Variants in SNX9 observed in about 807,000 individuals in gnomAD.
The protein encoded by SNX9 is sorting nexin 9.
Under a neutral mutation model 89.4 loss-of-function variants are expected in SNX9, and 44 were observed. The ratio of observed to expected loss-of-function variants is 0.49; its 90% CI spans 0.39 to 0.63. SNX9 has a LOEUF of 0.63. Ranked by LOEUF, SNX9 falls within the 30% of genes least tolerant of loss-of-function variation. The pLI is 0.00. For synonymous variants in SNX9, 236 were observed against 247.8 expected (o/e 0.95, Z 0.45); for missense variants, 578 against 736.1 (o/e 0.79, Z 2.49).
intron 2 of SNX9, among the ~76,000 whole-genome samples, chr6:157,869,102 A>C (rs1237905179): frequency 6.6e-6 from 1 of 152,226 alleles, no homozygotes; most frequent in African/African-American, 2.4e-5. Context: ...GAATGTTTCC[A>C]GAAGGGAACT....
intron 17 of SNX9, 131 bp from the exon 18 acceptor site, chr6:157,942,660 G>A (rs937022689): frequency 7.4e-6 from 7 of 940,996 alleles, no homozygotes; most frequent in African/African-American, 6.5e-5. Flanking sequence ...GGGCAGGGCT[G>A]GTGCCAAAAA....
chr6:157,906,030 C>T (rs2115174693), intron 6 of SNX9, 98 bp from the exon 7 acceptor site: 1 of 977,180 alleles, frequency 1.0e-6, no homozygotes, highest in Non-Finnish European at 1.5e-6. Context: ...ACCCGAAAGA[C>T]AGGACAAGGT....
intron 15 of SNX9, 73 bp downstream of exon 15, chr6:157,937,596 G>T: frequency 1.0e-6 from 1 of 977,938 alleles, no homozygotes; most frequent in South Asian, 1.4e-5. Flanking sequence ...AGTCAGTATT[G>T]GTTTTATATG....
At chr6:157,826,516 A>G (rs1781347957) in intron 1 of SNX9, among the ~76,000 whole-genome samples, 1 of 150,810 alleles carries the variant, frequency 6.6e-6, no homozygotes, top group Non-Finnish European at 1.5e-5. Context: ...AAAAAAAAAA[A>G]AAGGAAAGTT....
intron 1 of SNX9, among the ~76,000 whole-genome samples, chr6:157,848,969 G>A (rs867235450): frequency 1.3e-5 from 2 of 152,284 alleles, no homozygotes; most frequent in African/African-American, 2.4e-5. Context: ...AGTTCAGGCC[G>A]GGTGTGGTAG....
intron 4 of SNX9, among the ~76,000 whole-genome samples, chr6:157,875,611 C>T (rs545231115): frequency 6.8e-4 from 103 of 152,224 alleles, no homozygotes; most frequent in African/African-American, 2.2e-3. Flanking sequence ...CCTCATCCTG[C>T]GAGTAGAAGC....
At chr6:157,932,866 CAAAAAAA>C (rs10545432) in intron 13 of SNX9, among the ~76,000 whole-genome samples, 129 of 39,208 alleles carry the variant, frequency 3.3e-3, no homozygotes, top group East Asian at 0.027. Context: ...GACCCTGTCT[CAAAAAAA>C]AAAAAAAAAA....
At chr6:157,843,975 A>G (rs4709653) in intron 1 of SNX9, among the ~76,000 whole-genome samples, 6,958 of 150,342 alleles carry the variant, frequency 0.046, 445 homozygotes, top group Admixed American at 0.2. Flanking sequence ...CCCAGGTTCA[A>G]GCAATTTTCC....
intron 12 of SNX9, among the ~76,000 whole-genome samples, chr6:157,929,510 T>C (rs1262455473): frequency 2.6e-5 from 4 of 152,216 alleles, no homozygotes; most frequent in Non-Finnish European, 5.9e-5. Flanking sequence ...CTTATTGCTG[T>C]GTCTTAACCT....
At chr6:157,837,700 T>C (rs1428498291) in intron 1 of SNX9, among the ~76,000 whole-genome samples, 1 of 152,234 alleles carries the variant, frequency 6.6e-6, no homozygotes, top group Non-Finnish European at 1.5e-5. Context: ...CCATGTATTA[T>C]TATAGGACCC....
intron 1 of SNX9, among the ~76,000 whole-genome samples, chr6:157,862,939 T>C (rs73792153): frequency 0.026 from 3,886 of 152,312 alleles, 179 homozygotes; most frequent in African/African-American, 0.089. Context: ...AGGAGATACA[T>C]TGGCTCCAGT....
intron 13 of SNX9, chr6:157,934,101 G>C (rs983451074): frequency 6.6e-6 from 1 of 152,144 alleles, no homozygotes; most frequent in Non-Finnish European, 1.5e-5. Context: ...TATACTATGC[G>C]ATCTTGCAAT....
intron 9 of SNX9, among the ~76,000 whole-genome samples, chr6:157,915,623 TA>T (rs1172699831): frequency 0.024 from 1,698 of 71,260 alleles, 93 homozygotes; most frequent in East Asian, 0.13. Context: ...CCATCTCTAC[TA>T]AAAAAAAAAA....
At chr6:157,914,720 C>T (rs1783427207) in intron 9 of SNX9, among the ~76,000 whole-genome samples, 1 of 152,026 alleles carries the variant, frequency 6.6e-6, no homozygotes, top group Non-Finnish European at 1.5e-5. Flanking sequence ...TCAAGCGGTC[C>T]ACCCACTTCG....
intron 1 of SNX9, among the ~76,000 whole-genome samples, chr6:157,836,584 ATTTCT>A (rs1781587220): frequency 2.0e-5 from 3 of 149,310 alleles, no homozygotes; most frequent in South Asian, 2.1e-4. Context: ...GAGAACACAC[ATTTCT>A]TTTCTTTCTT....
intron 1 of SNX9, among the ~76,000 whole-genome samples, chr6:157,850,519 A>G (rs906943538): frequency 2.6e-5 from 4 of 152,168 alleles, no homozygotes; most frequent in Non-Finnish European, 5.9e-5. Flanking sequence ...CAACAGTCCC[A>G]GTGCAACTGG....
chr6:157,929,271 A>G (rs2115204446), intron 12 of SNX9, among the ~76,000 whole-genome samples: 1 of 152,214 alleles, frequency 6.6e-6, no homozygotes. Flanking sequence ...TGTATTTCCT[A>G]GAACTGTGCA....
Position 157,823,567 on chromosome 6 carries a change from C to G in SNX9, c.12+121C>G, listed in dbSNP as rs1483209168. The G allele has an allele frequency of 3.3e-5, 28 of 847,792 alleles. No homozygotes were observed. The highest frequency in any genetic ancestry group is 3.6e-5 in the Non-Finnish European group (24 of 664,098). The allele number at this position is 847,792 out of a possible 1,614,324, so 52.5% of individuals were successfully genotyped here. On this transcript the variant is annotated intron_variant, in intron 1 of 17. Transcript: ENST00000392185. The surrounding 1 kb of genome is among the most constrained non-coding windows in gnomAD (Gnocchi z 4.6). ...GGTGGTCGAGGGGCCACTCCGCTTC[C>G]TCGGTGGAGTCCCCGGGCGGGTCCG...
chr6:157,940,323 G>C lies in SNX9; in HGVS notation c.1649-560G>C, dbSNP rs189356087. 1.9e-3 allele frequency among the ~76,000 whole-genome samples: 288 copies of C among 152,348 alleles called. 1 individual carries two copies. The highest frequency in any genetic ancestry group is 4.1e-3 in the Admixed American group (63 of 15,310). ...TCTGTTAGAGTAATAGGCTGCATTT[G>C]GGTGATTTATCTGTATTGGATTTTA... On this transcript the variant is annotated intron_variant, in intron 16 of 17. Coordinates refer to ENST00000392185, the MANE Select transcript of SNX9 (RefSeq NM_016224.5).
Sources: allele counts gnomAD v4.1 joint callset (sites outside exome capture counted in the v4.1 genomes callset), GRCh38; gene constraint gnomAD v4.1.1; non-coding constraint Gnocchi (gnomAD v3.1); transcripts MANE v1.5; gene names NCBI Gene and HGNC (gene_info 2026-07-23, HGNC 2026-07-21).